Variants in NUBPL observed in about 807,000 individuals in gnomAD.
NUBPL encodes iron-sulfur cluster transfer protein NUBPL.
A neutral mutation model predicts 45.7 loss-of-function variants in NUBPL; 31 were observed. The ratio of observed to expected loss-of-function variants is 0.68; its 90% CI spans 0.51 to 0.92. The LOEUF is 0.92. NUBPL is among the 40% of genes least tolerant of loss of function. NUBPL has a pLI of 0.00. For missense variants in NUBPL, 401 were observed against 398.7 expected, an observed-to-expected ratio of 1.01 and a Z score of -0.05; for synonymous variants, 144 against 140.9, an observed-to-expected ratio of 1.02 and a Z score of -0.15.
intron 6 of NUBPL, among the ~76,000 whole-genome samples, chr14:31,753,949 A>G (rs1355137908): frequency 6.6e-6 from 1 of 152,178 alleles, no homozygotes; most frequent in Non-Finnish European, 1.5e-5. Flanking sequence ...AAATGCTAAG[A>G]CAGTAGATTT....
intron 4 of NUBPL, among the ~76,000 whole-genome samples, chr14:31,618,121 T>C (rs761712326): frequency 2.0e-5 from 3 of 152,206 alleles, no homozygotes; most frequent in Non-Finnish European, 2.9e-5. Context: ...AGTGGTGATA[T>C]TTCCTTTATC....
chr14:31,563,239 A>T (rs2033346987), intron 2 of NUBPL, among the ~76,000 whole-genome samples: 1 of 152,218 alleles, frequency 6.6e-6, no homozygotes, highest in Non-Finnish European at 1.5e-5. Flanking sequence ...CTCTGTGATT[A>T]CTTGAACTGG....
intron 8 of NUBPL, among the ~76,000 whole-genome samples, chr14:31,827,564 A>G (rs1401412087): frequency 2.0e-5 from 3 of 152,282 alleles, no homozygotes; most frequent in East Asian, 3.9e-4. Context: ...ATTTCAGTAC[A>G]GTGTCAACAT....
At chr14:31,611,804 A>G (rs919673540) in intron 4 of NUBPL, among the ~76,000 whole-genome samples, 1 of 152,238 alleles carries the variant, frequency 6.6e-6, no homozygotes, top group Non-Finnish European at 1.5e-5. Flanking sequence ...AAAGTTTCCA[A>G]GAGCATACAG....
chr14:31,858,823 T>C (rs886217034), intron 10 of NUBPL, among the ~76,000 whole-genome samples: 1 of 152,196 alleles, frequency 6.6e-6, no homozygotes, highest in Admixed American at 6.5e-5. Context: ...TCTCTGCAAC[T>C]AGACTGGGTT....
At chr14:31,580,427 A>G (rs2139491251) in intron 3 of NUBPL, among the ~76,000 whole-genome samples, 1 of 152,292 alleles carries the variant, frequency 6.6e-6, no homozygotes, top group African/African-American at 2.4e-5. Flanking sequence ...CTTTGAGACC[A>G]GCTTGAGCAA....
intron 7 of NUBPL, among the ~76,000 whole-genome samples, chr14:31,818,508 T>G (rs191941316): frequency 6.6e-6 from 1 of 152,300 alleles, no homozygotes; most frequent in East Asian, 1.9e-4. Context: ...TGTTTCCACT[T>G]ATTATTGTGT....
intron 4 of NUBPL, among the ~76,000 whole-genome samples, chr14:31,615,371 G>A (rs1255471505): frequency 6.6e-6 from 1 of 152,064 alleles, no homozygotes; most frequent in African/African-American, 2.4e-5. Context: ...AGGTATACAC[G>A]TGCCATGGTG....
intron 6 of NUBPL, among the ~76,000 whole-genome samples, chr14:31,740,733 G>C (rs1203604546): frequency 6.6e-6 from 1 of 152,124 alleles, no homozygotes; most frequent in African/African-American, 2.4e-5. Flanking sequence ...AAGTCATCTA[G>C]ATTTTCTCCC....
intron 7 of NUBPL, among the ~76,000 whole-genome samples, chr14:31,815,680 A>T (rs1034759608): frequency 3.9e-5 from 6 of 152,074 alleles, no homozygotes; most frequent in African/African-American, 1.4e-4. Context: ...GTTTGTGATA[A>T]ATAGCTCTTA....
chr14:31,821,125 A>AAAAT (rs71439870), intron 7 of NUBPL, among the ~76,000 whole-genome samples: 44,408 of 150,552 alleles, frequency 0.29, 7,535 homozygotes, highest in South Asian at 0.41. Flanking sequence ...CTCCATCTCA[A>AAAAT]AAATAAATAA....
intron 3 of NUBPL, among the ~76,000 whole-genome samples, chr14:31,582,850 A>G (rs985986708): frequency 2.0e-5 from 3 of 152,230 alleles, no homozygotes; most frequent in South Asian, 2.1e-4. Context: ...AGATGTTACA[A>G]TTAATCAAAA....
At chr14:31,711,504 T>A (rs140437545) in intron 6 of NUBPL, among the ~76,000 whole-genome samples, 1 of 152,158 alleles carries the variant, frequency 6.6e-6, no homozygotes, top group Non-Finnish European at 1.5e-5. Context: ...ATAGTCTTAC[T>A]GCTTGGCGAT....
In NUBPL at chr14:31,729,712, A is replaced by AT. The variant is rs879292219; in HGVS notation, c.513+56138_513+56139insT. 6.7e-4 allele frequency among the ~76,000 whole-genome samples: 102 copies of AT among 152,246 alleles called. 1 individual carries two copies. The highest frequency in any genetic ancestry group is 2.1e-3 in the African/African-American group (89 of 41,550). ...TTATTCTAATATTAAGTTGGTGTAA[A>AT]AGTAATTGAAGTTTTTGCCATTTTT... On this transcript the variant is annotated intron_variant, in intron 6 of 10. Coordinates refer to ENST00000281081, the MANE Select transcript of NUBPL (RefSeq NM_025152.3).
At chr14:31,738,421 A>C (rs1228491561) in intron 6 of NUBPL, among the ~76,000 whole-genome samples, 4 of 152,226 alleles carry the variant, frequency 2.6e-5, no homozygotes, top group Non-Finnish European at 5.9e-5. Flanking sequence ...GATCTCAGAT[A>C]CATATGACTG....
At chr14:31,695,465 A>C (rs1489166683) in intron 6 of NUBPL, among the ~76,000 whole-genome samples, 1 of 151,482 alleles carries the variant, frequency 6.6e-6, no homozygotes, top group Non-Finnish European at 1.5e-5. Context: ...GGTGTTGGTC[A>C]CCTCCAAATC....
chr14:31,784,229 A>G (rs2039245363), intron 6 of NUBPL, among the ~76,000 whole-genome samples: 1 of 152,356 alleles, frequency 6.6e-6, no homozygotes, highest in East Asian at 1.9e-4. Flanking sequence ...TTTATGAGTT[A>G]TAACAATTTA....
intron 6 of NUBPL, among the ~76,000 whole-genome samples, chr14:31,679,162 G>A (rs1041679082): frequency 1.3e-5 from 2 of 152,204 alleles, no homozygotes; most frequent in Non-Finnish European, 2.9e-5. Flanking sequence ...CTTGGGTGAT[G>A]GGGAAGGGTG....
chr14:31,844,572 T>C (rs2040424191), intron 8 of NUBPL: 1 of 152,262 alleles, frequency 6.6e-6, no homozygotes, highest in South Asian at 2.1e-4. Flanking sequence ...TTATGTCTTT[T>C]TACTATTTGT....
Sources: gnomAD v4.1 joint callset for allele counts (sites outside exome capture counted in the v4.1 genomes callset) on GRCh38, gnomAD v4.1.1 for gene constraint, MANE v1.5 for transcripts, NCBI Gene and HGNC (gene_info 2026-07-23, HGNC 2026-07-21) for gene names.